The following TRAK2 variants were observed in gnomAD, a reference collection of about 807,000 sequenced individuals.
TRAK2 encodes trafficking kinesin-binding protein 2.
Under a neutral mutation model 104.6 loss-of-function variants are expected in TRAK2, and 81 were observed. The ratio of observed to expected loss-of-function variants is 0.77; its 90% CI spans 0.65 to 0.93. The LOEUF (loss-of-function observed/expected upper bound fraction) is 0.93. Ranked by LOEUF, TRAK2 falls within the 40% of genes least tolerant of loss-of-function variation. The pLI, the probability that TRAK2 is intolerant of heterozygous loss-of-function variation, is 0.00. For synonymous variants in TRAK2, 406 were observed against 394.4 expected (o/e 1.03, Z -0.35); for missense variants, 1,002 against 1,089.0 (o/e 0.92, Z 1.12).
In TRAK2 at chr2:201,378,896, C is replaced by T. The variant is rs544483994; in HGVS notation, c.*1647G>A. Reference sequence around the variant, plus strand: ...CTAAGTGGGGGGATGGCGGGGATGCCTCAAAAGGGGAGAGGAAGGACTCTC... The same window carrying T: ...CTAAGTGGGGGGATGGCGGGGATGCTTCAAAAGGGGAGAGGAAGGACTCTC... On this transcript the variant is annotated 3_prime_UTR_variant, in exon 16 of 16. Transcript: ENST00000332624. 6.6e-6 allele frequency: 1 copy of T among 152,162 alleles called. No homozygotes were observed. The highest frequency in any genetic ancestry group is 1.9e-4 in the East Asian group (1 of 5,182). 9.4% of individuals were successfully genotyped at this position (152,162 alleles called of 1,614,324 possible).
rs113866061 is a variant in TRAK2 at position 201,430,624 on chromosome 2, G to A, written c.-199-9918C>T. On this transcript the variant is annotated intron_variant, in intron 1 of 15. Transcript: ENST00000332624. ...AGGCTCCGTGGGCATGGGACCCTCT[G>A]AGCCAGGCATGGGATATAATGTCCT... is the stretch of plus-strand genomic sequence containing the variant. Among the ~76,000 whole-genome samples the A allele has an allele frequency of 2.0e-5, 3 of 152,238 alleles. No individual in the cohort carries two copies. The South Asian group carries it at 6.2e-4, about 31-fold the overall frequency.
rs1249788827 is a variant in TRAK2 at position 201,389,439 on chromosome 2, A to T, written c.1258T>A (p.Ser420Thr). 3.7e-6 allele frequency: 6 copies of T among 1,614,038 alleles called. No individual in the cohort carries two copies. The highest frequency in any genetic ancestry group is 5.1e-6 in the Non-Finnish European group (6 of 1,180,030). ...GGAATGGGTAACAGAGCTGGGAATG[A>T]GATAGAGCGGCCCCGTGTGTCATTG... ...IANDTRGRSI[S>T]FPALLPIPGS... is the part of the protein sequence containing the mutation. Residue 420 changes from serine (S) to threonine (T), a missense_variant, in exon 12 of 16, where the codon TCA (serine) becomes ACA (threonine). By Grantham distance (58) the Ser-to-Thr change is moderately conservative. Coordinates refer to ENST00000332624, the MANE Select transcript of TRAK2 (RefSeq NM_015049.3).
intron 2 of TRAK2, chr2:201,411,160 C>T (rs1413789069): frequency 1.3e-6 from 1 of 760,670 alleles, no homozygotes; most frequent in African/African-American, 1.7e-5. Context: ...GACATATTAT[C>T]CATCAATGTG....
chr2:201,414,788 T>C (rs774445268), intron 2 of TRAK2, among the ~76,000 whole-genome samples: 93 of 152,130 alleles, frequency 6.1e-4, no homozygotes, highest in Non-Finnish European at 1.1e-3. Context: ...GGAAGAGAAG[T>C]TGACTATAAA....
Position 201,420,478 on chromosome 2 carries a change from T to C in TRAK2, c.30A>G (p.Thr10=). 2 of 1,614,134 alleles carry C rather than the reference T, an allele frequency of 1.2e-6. No homozygotes were observed. The highest frequency in any genetic ancestry group is 1.7e-5 in the Admixed American group (1 of 60,028). MSQSQNAIF[T]SPTGEENLMN... Reference sequence around the variant, plus strand: ...TGAGGTTTTCTTCACCTGTTGGTGATGTAAAAATTGCATTCTGGGATTGAC... The same window carrying C: ...TGAGGTTTTCTTCACCTGTTGGTGACGTAAAAATTGCATTCTGGGATTGAC... The change falls in exon 2 of 16, where the codon ACA becomes ACG. Residue 10 remains threonine, a synonymous_variant. Transcript: ENST00000332624.
intron 9 of TRAK2, among the ~76,000 whole-genome samples, chr2:201,393,649 T>C (rs913036492): frequency 2.6e-5 from 4 of 152,210 alleles, no homozygotes; most frequent in African/African-American, 9.6e-5. Flanking sequence ...AAGATGCTTA[T>C]TAAAAATGCA....
chr2:201,392,857 C>T, intron 10 of TRAK2, 52 bp downstream of exon 10: 1 of 1,540,714 alleles, frequency 6.5e-7, no homozygotes, highest in Non-Finnish European at 8.8e-7. Flanking sequence ...TTAGGACAAA[C>T]TAATCTTAAA....
chr2:201,435,834 G>T (rs1951876894), intron 1 of TRAK2, among the ~76,000 whole-genome samples: 1 of 152,134 alleles, frequency 6.6e-6, no homozygotes, highest in East Asian at 1.9e-4. Flanking sequence ...TCCTAAAAGG[G>T]AGAGGGAAGA....
chr2:201,430,255 C>G (rs894497756), intron 1 of TRAK2, among the ~76,000 whole-genome samples: 4 of 152,240 alleles, frequency 2.6e-5, no homozygotes, highest in Admixed American at 6.5e-5. Flanking sequence ...AGGTGTCTCC[C>G]AGTTAGGCTA....
chr2:201,432,474 C>T (rs1576534986), intron 1 of TRAK2, among the ~76,000 whole-genome samples: 1 of 152,286 alleles, frequency 6.6e-6, no homozygotes, highest in South Asian at 2.1e-4. Context: ...AACAAGAAGC[C>T]AGCCTTTGTA....
At chr2:201,433,501 G>A (rs181325609) in intron 1 of TRAK2, 40 of 152,242 alleles carry the variant, frequency 2.6e-4, no homozygotes, top group African/African-American at 6.5e-4. Flanking sequence ...AAATCCATTC[G>A]TTTAAACGTC....
intron 1 of TRAK2, among the ~76,000 whole-genome samples, chr2:201,443,474 A>T (rs1419808652): frequency 6.6e-6 from 1 of 152,162 alleles, no homozygotes; most frequent in Admixed American, 6.5e-5. Flanking sequence ...TCCAACTGTG[A>T]CCACGTTTTG....
intron 2 of TRAK2, among the ~76,000 whole-genome samples, chr2:201,419,671 T>G (rs1017186837): frequency 6.6e-6 from 1 of 152,220 alleles, no homozygotes; most frequent in African/African-American, 2.4e-5. Flanking sequence ...AAACTCGAAC[T>G]GTATACTTAA....
chr2:201,449,193 T>C (rs1951989604), intron 1 of TRAK2, among the ~76,000 whole-genome samples: 1 of 152,208 alleles, frequency 6.6e-6, no homozygotes, highest in South Asian at 2.1e-4. Context: ...TCAGGACTTA[T>C]TCCAGATGTC....
intron 2 of TRAK2, chr2:201,410,797 G>A (rs1267102213): frequency 6.2e-7 from 1 of 1,606,450 alleles, no homozygotes; most frequent in Non-Finnish European, 8.5e-7. Flanking sequence ...GGGTTTCTGA[G>A]GGCCAAAGAG....
At chr2:201,421,655 A>G (rs1203985578) in intron 1 of TRAK2, among the ~76,000 whole-genome samples, 1 of 151,814 alleles carries the variant, frequency 6.6e-6, no homozygotes, top group African/African-American at 2.4e-5. Flanking sequence ...AATATAAACA[A>G]AAAAAAAGTT....
At position 201,427,549 on chromosome 2, in the gene TRAK2, AT is replaced by A. The variant is rs1355552134; in HGVS notation, c.-199-6844del. 2.0e-5 allele frequency among the ~76,000 whole-genome samples: 3 copies of A among 152,076 alleles called. No homozygotes were observed. The East Asian group carries it at 5.8e-4, about 29-fold the overall frequency. ...GTATTCCAGAGTGTATATGTGCCAC[AT>A]TTTCTTAATCCAGTCTACCAATGAT... On this transcript the variant is annotated intron_variant, in intron 1 of 15. Coordinates refer to ENST00000332624, the MANE Select transcript of TRAK2 (RefSeq NM_015049.3).
chr2:201,446,807 A>C (rs1225607097), intron 1 of TRAK2, among the ~76,000 whole-genome samples: 2 of 152,280 alleles, frequency 1.3e-5, no homozygotes, highest in Admixed American at 1.3e-4. Flanking sequence ...TAAATACATA[A>C]GATCACTTTT....
chr2:201,420,766 T>C (rs1951734063), intron 1 of TRAK2, 60 bp from the exon 2 acceptor site: 1 of 325,006 alleles, frequency 3.1e-6, no homozygotes, highest in Non-Finnish European at 5.7e-6. Flanking sequence ...AGGAATCTAA[T>C]TAATCAAAAT....
Sources: gnomAD v4.1 joint callset for allele counts (sites outside exome capture counted in the v4.1 genomes callset) on GRCh38, gnomAD v4.1.1 for gene constraint, MANE v1.5 for transcripts, NCBI Gene and HGNC (gene_info 2026-07-23, HGNC 2026-07-21) for gene names.